The following KPNA2 variants were observed in gnomAD, a reference collection of about 807,000 sequenced individuals.
KPNA2 encodes karyopherin subunit alpha 2.
Under a neutral mutation model 53.7 loss-of-function variants are expected in KPNA2, and 20 were observed. The ratio of observed to expected loss-of-function variants is 0.37; its 90% confidence interval spans 0.26 to 0.54. The LOEUF (loss-of-function observed/expected upper bound fraction) is 0.54, where lower values mean the gene tolerates loss of function less well. KPNA2 is among the 20% of genes least tolerant of loss of function. The pLI, the probability that KPNA2 is intolerant of heterozygous loss-of-function variation, is 0.83. For missense variants in KPNA2, 515 were observed against 640.3 expected, an observed-to-expected ratio of 0.80 and a Z score of 2.11; for synonymous variants, 238 against 227.5, an observed-to-expected ratio of 1.05 and a Z score of -0.42.
Position 68,043,894 on chromosome 17 carries a change from G to A in KPNA2, c.987G>A (p.Gln329=), listed in dbSNP as rs1555705023. ...NIVTGTDEQT[Q]VVIDAGALAV... is the part of the protein sequence containing the mutation. ...TCACTGGTACAGATGAACAGACTCA[G>A]GTTGTGATTGATGCAGGAGCACTCG... The change falls in exon 8 of 11, where the codon CAG becomes CAA. Residue 329 remains glutamine, a synonymous_variant. Coordinates refer to ENST00000330459, the MANE Select transcript of KPNA2 (RefSeq NM_002266.4). The A allele has an allele frequency of 6.2e-7, 1 of 1,613,618 alleles. No homozygotes were observed. The highest frequency in any genetic ancestry group is 1.7e-5 in the Admixed American group (1 of 59,966).
chr17:68,046,263 T>G (rs1389318130), intron 10 of KPNA2, among the ~76,000 whole-genome samples: 32 of 152,144 alleles, frequency 2.1e-4, no homozygotes, highest in Admixed American at 2.0e-3. Flanking sequence ...CTTTTCCTAT[T>G]GAAAAGTGAC....
chr17:68,043,438 A>C, intron 7 of KPNA2, 75 bp downstream of exon 7: 19 of 1,431,732 alleles, frequency 1.3e-5, no homozygotes, highest in Non-Finnish European at 1.6e-5. Flanking sequence ...GTGGTGGCTC[A>C]CACCTGTGTA....
intron 7 of KPNA2, 61 bp downstream of exon 7, chr17:68,043,424 G>T: frequency 6.5e-7 from 1 of 1,529,484 alleles, no homozygotes. Context: ...GGCTGGGCGT[G>T]GTAGTGGTGG....
intron 7 of KPNA2, 105 bp from the exon 8 acceptor site, chr17:68,043,733 C>A: frequency 1.4e-6 from 1 of 715,088 alleles, no homozygotes. Context: ...TGAAATATTG[C>A]CTATTTCAGG....
rs1266467492 is a variant in KPNA2, at chr17:68,043,286, C to T, written c.853C>T (p.Arg285Ter). The change falls in exon 7 of 11, where the codon CGA becomes TGA. Residue 285 changes from arginine (R) to a stop codon, truncating the protein, a stop_gained. Transcript: ENST00000330459. LOFTEE classifies it high-confidence loss of function. ...ISYLTDGPNERIGMVVKTGVV... is the reference protein window; with the variant it reads ...ISYLTDGPNE ...CTACCTTACTGATGGTCCAAATGAA[C>T]GAATTGGCATGGTGGTGAAAACAGG... 3.7e-6 allele frequency: 6 copies of T among 1,613,974 alleles called. No homozygotes were observed. The highest frequency in any genetic ancestry group is 2.7e-5 in the African/African-American group (2 of 74,912).
At chr17:68,040,829 G>GA (rs1239939908) in intron 4 of KPNA2, 63 bp downstream of exon 4, 1 of 1,028,160 alleles carries the variant, frequency 9.7e-7, no homozygotes. Flanking sequence ...TTTTTTTTTG[G>GA]GGGGTGGGGC....
chr17:68,037,457 G>A lies in KPNA2; in HGVS notation c.175G>A (p.Asp59Asn). 6.2e-7 allele frequency: 1 copy of A among 1,614,018 alleles called. No homozygotes were observed. Among genetic ancestry groups the A allele is most frequent in the Non-Finnish European group, 8.5e-7 (1 of 1,179,968 alleles). Reference sequence around the variant, plus strand: ...GAGAAATGTAAGCTCATTTCCTGATGATGCTACTTCTCCGCTGCAGGAAAA... The same window carrying A: ...GAGAAATGTAAGCTCATTTCCTGATAATGCTACTTCTCCGCTGCAGGAAAA... ...KRRNVSSFPD[D>N]ATSPLQENRN... The change falls in exon 3 of 11, where the codon GAT (aspartate) becomes AAT (asparagine). Residue 59 changes from aspartate (D) to asparagine (N), a missense_variant. By Grantham distance (23) the Asp-to-Asn change is conservative. Coordinates refer to ENST00000330459, the MANE Select transcript of KPNA2 (RefSeq NM_002266.4).
rs782568102 is a variant in KPNA2, at chr17:68,043,934, C to T, written c.1027C>T (p.Leu343=). The T allele has an allele frequency of 5.6e-6, 9 of 1,613,826 alleles. No homozygotes were observed. The South Asian group carries it at 8.8e-5, about 16-fold the overall frequency. ...DAGALAVFPS[L]LTNPKTNIQK... ...AGGAGCACTCGCCGTCTTTCCCAGCCTGCTCACCAACCCCAAAACTAACAT... is the reference window on the plus strand; with the variant it reads ...AGGAGCACTCGCCGTCTTTCCCAGCTTGCTCACCAACCCCAAAACTAACAT... The change falls in exon 8 of 11, where the codon CTG becomes TTG. Residue 343 remains leucine (L), a synonymous_variant. Transcript: ENST00000330459.
intron 3 of KPNA2, among the ~76,000 whole-genome samples, chr17:68,038,992 G>C (rs1367037444): frequency 6.8e-6 from 1 of 147,050 alleles, no homozygotes; most frequent in African/African-American, 2.4e-5. Context: ...CCCATGCTGG[G>C]TGACAGTGAG....
At position 68,037,120 on chromosome 17, in the gene KPNA2, T is replaced by G. The variant is rs782680243; in HGVS notation, c.-13T>G. 63 of 1,602,210 alleles carry G rather than the reference T, an allele frequency of 3.9e-5. No individual in the cohort carries two copies. The highest frequency in any genetic ancestry group is 4.9e-5 in the Non-Finnish European group (58 of 1,172,702). On this transcript the variant is annotated 5_prime_UTR_variant, in exon 2 of 11. Transcript: ENST00000330459. ...TCCCCCATCTTTTAGCTTTCTCCCT[T>G]TGTCTCATAACCATGTCCACCAACG... is the stretch of plus-strand genomic sequence containing the variant.
In KPNA2 at chr17:68,046,549, T is replaced by A. The variant is rs1568278937; in HGVS notation, c.1543T>A (p.Tyr515Asn). 16 of 1,612,398 alleles carry A rather than the reference T, an allele frequency of 9.9e-6. No homozygotes were observed. The highest frequency in any genetic ancestry group is 1.3e-5 in the Non-Finnish European group (15 of 1,178,748). ...NVVPETTSEG[Y>N]TFQVQDGAPG... ...TGTACCAGAAACTACCTCTGAAGGC[T>A]ACACTTTCCAAGTTCAGGATGGGGC... Residue 515 changes from tyrosine (Y) to asparagine (N), a missense_variant, in exon 11 of 11, where the codon TAC becomes AAC. Tyr to Asn is a moderately radical substitution (Grantham distance 143). Transcript: ENST00000330459.
At position 68,037,628 on chromosome 17, in the gene KPNA2, T is replaced by G. The variant is rs1555703972; in HGVS notation, c.213+133T>G. The G allele has an allele frequency of 4.6e-6, 4 of 864,150 alleles. No homozygotes were observed. In the African/African-American group the frequency reaches 6.8e-5, roughly 15 times the overall value. 53.5% of individuals were successfully genotyped at this position (864,150 alleles called of 1,614,324 possible). A position where few individuals can be genotyped will look rare whatever the true frequency, so the allele number is the denominator to read the frequency against. On this transcript the variant is annotated intron_variant, in intron 3 of 10. Coordinates refer to ENST00000330459, the MANE Select transcript of KPNA2 (RefSeq NM_002266.4). ...CTATCTGTGAACATCTTTTTCTCTG[T>G]TTGCAATTAGTAATTGTCTTCTTTC...
chr17:68,042,504 C>A, intron 5 of KPNA2, 151 bp downstream of exon 5: 1 of 844,204 alleles, frequency 1.2e-6, no homozygotes, highest in Non-Finnish European at 1.9e-6. Flanking sequence ...ACAAAGGCAG[C>A]AGAGGGCCAT....
In KPNA2 at chr17:68,037,367, C is replaced by A; in HGVS notation, c.85C>A (p.Arg29Ser). Residue 29 changes from arginine (R) to serine (S), a missense_variant, in exon 3 of 11, where the codon CGT becomes AGT. Physicochemically the swap from Arg to Ser is moderately radical, Grantham distance 110 (BLOSUM62 -1). Coordinates refer to ENST00000330459, the MANE Select transcript of KPNA2 (RefSeq NM_002266.4). ...GTTATCTTTTCTCAAGGAAATGAGGCGTCGCAGAATAGAGGTCAATGTGGA... is the reference window on the plus strand; with the variant it reads ...GTTATCTTTTCTCAAGGAAATGAGGAGTCGCAGAATAGAGGTCAATGTGGA... ...NKGKDSTEMR[R>S]RRIEVNVELR... The A allele has an allele frequency of 1.2e-6, 2 of 1,612,398 alleles. No homozygotes were observed. Among genetic ancestry groups the A allele is most frequent in the Non-Finnish European group, 1.7e-6 (2 of 1,179,510 alleles).
chr17:68,041,616 C>G (rs559807147), intron 4 of KPNA2, among the ~76,000 whole-genome samples: 1 of 152,056 alleles, frequency 6.6e-6, no homozygotes, highest in Middle Eastern at 3.4e-3. Flanking sequence ...GTCCCAGCTA[C>G]TAAGGAGGCT....
intron 3 of KPNA2, among the ~76,000 whole-genome samples, chr17:68,037,938 A>G (rs1419517528): frequency 6.6e-6 from 1 of 151,564 alleles, no homozygotes; most frequent in Admixed American, 6.6e-5. Context: ...AGCTGGGATT[A>G]TGGGTGCGCA....
In KPNA2 at chr17:68,037,471, G is replaced by A. The variant is rs782745827; in HGVS notation, c.189G>A (p.Pro63=). ...VSSFPDDATS[P]LQENRNNQGT... ...CATTTCCTGATGATGCTACTTCTCCGCTGCAGGAAAACCGCAACAACCAGG... is the reference window on the plus strand; with the variant it reads ...CATTTCCTGATGATGCTACTTCTCCACTGCAGGAAAACCGCAACAACCAGG... The change falls in exon 3 of 11, where the codon CCG becomes CCA. Residue 63 remains proline, a synonymous_variant. Coordinates refer to ENST00000330459, the MANE Select transcript of KPNA2 (RefSeq NM_002266.4). The A allele has an allele frequency of 1.9e-6, 3 of 1,612,734 alleles. No individual in the cohort carries two copies. Among genetic ancestry groups the A allele is most frequent in the South Asian group, 1.1e-5 (1 of 90,684 alleles).
intron 3 of KPNA2, among the ~76,000 whole-genome samples, chr17:68,038,708 A>C (rs1232247292): frequency 1.3e-5 from 2 of 152,130 alleles, no homozygotes; most frequent in African/African-American, 4.8e-5. Flanking sequence ...TCAAGGAAAA[A>C]AATAAAAATA....
intron 4 of KPNA2, among the ~76,000 whole-genome samples, chr17:68,041,524 A>G (rs1555704576): frequency 3.3e-5 from 5 of 152,218 alleles, no homozygotes; most frequent in Non-Finnish European, 1.5e-5. Flanking sequence ...TTGCCACTGC[A>G]TTCCAGCATG....
Sources: allele counts gnomAD v4.1 joint callset (sites outside exome capture counted in the v4.1 genomes callset), GRCh38; gene constraint gnomAD v4.1.1; transcripts MANE v1.5; gene names NCBI Gene and HGNC (gene_info 2026-07-23, HGNC 2026-07-21).